TYW1B: variants seen among roughly 807,000 people sequenced by gnomAD.
The protein encoded by TYW1B is S-adenosyl-L-methionine-dependent tRNA 4-demethylwyosine synthase TYW1B.
TYW1B carries 73 observed loss-of-function variants against 86.9 expected under a neutral mutation model. The ratio of observed to expected loss-of-function variants is 0.84; its 90% confidence interval spans 0.70 to 1.02. TYW1B has a LOEUF of 1.02. Ranked by LOEUF, TYW1B falls within the 50% of genes least tolerant of loss-of-function variation. TYW1B has a pLI of 0.00. For synonymous variants in TYW1B, 248 were observed against 292.8 expected (o/e 0.85, Z 1.56); for missense variants, 637 against 827.4 (o/e 0.77, Z 2.82).
In TYW1B at chr7:72,802,435, A is replaced by C. The variant is rs1554475942; in HGVS notation, c.811T>G (p.Leu271Val). 1.9e-6 allele frequency: 3 copies of C among 1,613,860 alleles called. No homozygotes were observed. In the South Asian group the frequency reaches 3.3e-5, roughly 18 times the overall value. ...TTCACGTGATCCATAATTTTGCCCA[A>C]ATCTTCAACATCAACAATGGAATTT... The part of the protein sequence containing the change: ...SLNSIVDVED[L>V]GKIMDHVKKE... The change falls in exon 6 of 14, where the codon TTG (leucine) becomes GTG (valine). Residue 271 changes from leucine to valine, a missense_variant. Coordinates refer to ENST00000620995, the MANE Select transcript of TYW1B (RefSeq NM_001145440.3).
intron 2 of TYW1B, among the ~76,000 whole-genome samples, chr7:72,821,539 T>C (rs1554480477): frequency 6.6e-6 from 1 of 152,248 alleles, no homozygotes; most frequent in African/African-American, 2.4e-5. Context: ...ATGGCAATTG[T>C]ATCCCCATTG....
intron 13 of TYW1B, among the ~76,000 whole-genome samples, chr7:72,580,041 C>T (rs1166856460): frequency 6.6e-6 from 1 of 152,128 alleles, no homozygotes; most frequent in Admixed American, 6.5e-5. Context: ...CTTTGAAACC[C>T]CATCTCCAAA....
At chr7:72,681,036 T>TA (rs1473211521) in intron 11 of TYW1B, among the ~76,000 whole-genome samples, 1 of 152,180 alleles carries the variant, frequency 6.6e-6, no homozygotes, top group African/African-American at 2.4e-5. Flanking sequence ...GTCTAGACCC[T>TA]ATAAGGTAGG....
chr7:72,656,771 G>C (rs1339095307), intron 11 of TYW1B, among the ~76,000 whole-genome samples: 1 of 152,144 alleles, frequency 6.6e-6, no homozygotes, highest in Non-Finnish European at 1.5e-5. Flanking sequence ...AAGGTGAAGG[G>C]GGAGCAGGTG....
At chr7:72,691,052 C>T (rs536224956) in intron 11 of TYW1B, among the ~76,000 whole-genome samples, 1 of 152,322 alleles carries the variant, frequency 6.6e-6, no homozygotes, top group East Asian at 1.9e-4. Flanking sequence ...TGCGCCCAGC[C>T]AGCATTTGAG....
At chr7:72,723,701 G>T (rs1786946760) in intron 9 of TYW1B, among the ~76,000 whole-genome samples, 1 of 152,180 alleles carries the variant, frequency 6.6e-6, no homozygotes, top group African/African-American at 2.4e-5. Flanking sequence ...TTGAGCCCAG[G>T]AGGTTGAGGC....
intron 10 of TYW1B, among the ~76,000 whole-genome samples, chr7:72,710,596 C>T (rs1465695981): frequency 6.6e-6 from 1 of 152,098 alleles, no homozygotes; most frequent in Non-Finnish European, 1.5e-5. Context: ...GAGGCCGAGG[C>T]GGGTGTATCA....
intron 7 of TYW1B, among the ~76,000 whole-genome samples, chr7:72,759,415 C>A (rs1563084564): frequency 6.6e-6 from 1 of 151,936 alleles, no homozygotes; most frequent in Non-Finnish European, 1.5e-5. Flanking sequence ...ACAGAATTTT[C>A]TTTGCTCTCG....
At chr7:72,815,503 T>C in intron 2 of TYW1B, 22 bp from the exon 3 acceptor site, 1 of 1,593,986 alleles carries the variant, frequency 6.3e-7, no homozygotes, top group Non-Finnish European at 8.5e-7. Flanking sequence ...AAAAAAAACT[T>C]CAAATAAAGT....
Position 72,694,669 on chromosome 7 carries a change from A to G in TYW1B, c.1506+18T>C, listed in dbSNP as rs781814841. The G allele has an allele frequency of 6.3e-6, 10 of 1,589,358 alleles. No homozygotes were observed. The highest frequency in any genetic ancestry group is 1.7e-4 in the Middle Eastern group (1 of 5,918). ...CCTGAGGGTTGTTTATTTATTTTTA[A>G]GATGTCATAATTCTTACCTTGACTG... On this transcript the variant is annotated intron_variant, in intron 11 of 13. Transcript: ENST00000620995.
intron 13 of TYW1B, among the ~76,000 whole-genome samples, chr7:72,588,348 C>T (rs1301156342): frequency 1.3e-5 from 2 of 152,234 alleles, no homozygotes; most frequent in Non-Finnish European, 2.9e-5. Context: ...TCTGATACTT[C>T]TCTAAAAGCA....
Position 72,815,502 on chromosome 7 carries a change from T to A in TYW1B, c.136-21A>T, listed in dbSNP as rs139139517. Reference sequence around the variant, plus strand: ...AATCCCTAATAGGACAAAAAAAAACTTCAAATAAAGTCTTCAATGAGCCAA... The same window carrying A: ...AATCCCTAATAGGACAAAAAAAAACATCAAATAAAGTCTTCAATGAGCCAA... On this transcript the variant is annotated intron_variant, in intron 2 of 13. Coordinates refer to ENST00000620995, the MANE Select transcript of TYW1B (RefSeq NM_001145440.3). The A allele has an allele frequency of 1.6e-3, 2,485 of 1,589,932 alleles. 33 individuals carry two copies. The African/African-American group carries it at 0.021, about 13-fold the overall frequency.
chr7:72,665,091 T>G lies in TYW1B; in HGVS notation c.1506+29596A>C, dbSNP rs1326364407. On this transcript the variant is annotated intron_variant, in intron 11 of 13. Coordinates refer to ENST00000620995, the MANE Select transcript of TYW1B (RefSeq NM_001145440.3). ...TGTGGATACAGAGGGCCGACTCTGC[T>G]CTGCTAAAAGAACCTATTTCCCAGT... Among the ~76,000 whole-genome samples, 14 of 152,332 alleles carry G rather than the reference T, an allele frequency of 9.2e-5. No homozygotes were observed. In the South Asian group the frequency reaches 1.2e-3, roughly 14 times the overall value.
At chr7:72,598,976 A>G (rs1313463012) in intron 13 of TYW1B, among the ~76,000 whole-genome samples, 11 of 152,202 alleles carry the variant, frequency 7.2e-5, no homozygotes, top group Non-Finnish European at 1.3e-4. Context: ...AAGGAATAAC[A>G]TCCATTCTCT....
Position 72,787,478 on chromosome 7 carries a change from G to A in TYW1B, c.847-9945C>T, listed in dbSNP as rs547531321. On this transcript the variant is annotated intron_variant, in intron 6 of 13. Transcript: ENST00000620995. ...ACTCCATCTCAAAAAAAAAATAGGCGAGGCATGGTGGCTCACGTTTGTAAT... is the reference window on the plus strand; with the variant it reads ...ACTCCATCTCAAAAAAAAAATAGGCAAGGCATGGTGGCTCACGTTTGTAAT... Among the ~76,000 whole-genome samples, 108 of 144,354 alleles carry A rather than the reference G, an allele frequency of 7.5e-4. 1 individual carries two copies. Among genetic ancestry groups the A allele is most frequent in the Admixed American group, 6.0e-3 (86 of 14,424 alleles). The allele number at this position is 144,354 out of a possible 152,430, so 94.7% of individuals were successfully genotyped here. A position where few individuals can be genotyped will look rare whatever the true frequency, so the allele number is the denominator to read the frequency against.
chr7:72,722,579 A>G (rs1786924129), intron 9 of TYW1B, among the ~76,000 whole-genome samples: 3 of 152,228 alleles, frequency 2.0e-5, no homozygotes, highest in Admixed American at 2.0e-4. Context: ...AGGTCAGGAA[A>G]AGAAAGATAT....
intron 8 of TYW1B, among the ~76,000 whole-genome samples, chr7:72,733,397 C>T (rs1428544495): frequency 2.6e-5 from 4 of 152,184 alleles, no homozygotes; most frequent in Non-Finnish European, 4.4e-5. Flanking sequence ...CGGTGGCTCA[C>T]GCCTGTAATC....
At chr7:72,675,312 T>C (rs533588901) in intron 11 of TYW1B, among the ~76,000 whole-genome samples, 2 of 151,894 alleles carry the variant, frequency 1.3e-5, no homozygotes, top group South Asian at 2.1e-4. Flanking sequence ...GGCAGGAGAA[T>C]TGCTTGAACC....
chr7:72,715,832 T>C (rs1427935798), intron 9 of TYW1B, among the ~76,000 whole-genome samples: 6 of 152,170 alleles, frequency 3.9e-5, no homozygotes, highest in African/African-American at 1.4e-4. Flanking sequence ...AAGAACATAT[T>C]CTCTCTGCAG....
Sources: allele counts gnomAD v4.1 joint callset (sites outside exome capture counted in the v4.1 genomes callset), GRCh38; gene constraint gnomAD v4.1.1; transcripts MANE v1.5; gene names NCBI Gene and HGNC (gene_info 2026-07-23, HGNC 2026-07-21).